DLG2: variants seen among roughly 807,000 people sequenced by gnomAD.
The protein encoded by DLG2 is disks large homolog 2.
In DLG2, 45 loss-of-function variants were observed where a neutral mutation model predicts 132.5. The ratio of observed to expected loss-of-function variants is 0.34; its 90% CI spans 0.27 to 0.44. DLG2 has a LOEUF of 0.44. Ranked by LOEUF, DLG2 falls within the 20% of genes least tolerant of loss-of-function variation. The pLI is 1.00. For missense variants in DLG2, 1,045 were observed against 1,196.9 expected (o/e 0.87, Z 1.87); for synonymous variants, 424 against 419.6 (o/e 1.01, Z -0.13).
intron 11 of DLG2, among the ~76,000 whole-genome samples, chr11:84,024,967 A>T (rs1467065249): frequency 6.6e-6 from 1 of 152,152 alleles, no homozygotes; most frequent in Admixed American, 6.5e-5. Context: ...ATTGTTCCAC[A>T]TTGTGTTAAT....
chr11:84,134,422 C>T (rs2154220432), intron 9 of DLG2, among the ~76,000 whole-genome samples: 1 of 152,232 alleles, frequency 6.6e-6, no homozygotes, highest in East Asian at 1.9e-4. Flanking sequence ...TAGGTATCTA[C>T]TGGAACTCAG....
intron 4 of DLG2, among the ~76,000 whole-genome samples, chr11:85,186,745 C>T (rs1021372996): frequency 1.3e-5 from 2 of 152,124 alleles, no homozygotes; most frequent in South Asian, 2.1e-4. Flanking sequence ...AAATCCATAG[C>T]GGTGTATCAT....
At chr11:83,639,794 A>AG (rs1016073311) in intron 18 of DLG2, among the ~76,000 whole-genome samples, 1 of 151,986 alleles carries the variant, frequency 6.6e-6, no homozygotes, top group African/African-American at 2.4e-5. Flanking sequence ...AAAATTAAAA[A>AG]AAAAAAGGAA....
At chr11:84,285,649 C>G (rs985569306) in intron 7 of DLG2, among the ~76,000 whole-genome samples, 1 of 152,144 alleles carries the variant, frequency 6.6e-6, no homozygotes, top group Non-Finnish European at 1.5e-5. Flanking sequence ...GGTCTCCAGA[C>G]ATGACCTAAT....
intron 7 of DLG2, among the ~76,000 whole-genome samples, chr11:84,373,270 C>CAAACA (rs2098715908): frequency 2.2e-5 from 1 of 45,168 alleles, no homozygotes; most frequent in African/African-American, 8.9e-5. Context: ...AAAAACAAAA[C>CAAACA]AAAAAAAAAA....
intron 7 of DLG2, among the ~76,000 whole-genome samples, chr11:84,295,313 T>G (rs2098074935): frequency 6.6e-6 from 1 of 152,152 alleles, no homozygotes; most frequent in Admixed American, 6.5e-5. Context: ...ATATGAGAAA[T>G]GCTTAATAGT....
At chr11:84,468,341 T>C (rs930845721) in intron 7 of DLG2, among the ~76,000 whole-genome samples, 12 of 151,410 alleles carry the variant, frequency 7.9e-5, no homozygotes, top group Non-Finnish European at 1.2e-4. Context: ...AGTTCTGAAT[T>C]TCCCAGAGGA....
At chr11:85,320,799 G>T (rs1278356806) in intron 3 of DLG2, among the ~76,000 whole-genome samples, 1 of 151,736 alleles carries the variant, frequency 6.6e-6, no homozygotes, top group Non-Finnish European at 1.5e-5. Context: ...TCATGCTCAA[G>T]AATCAACAAA....
intron 7 of DLG2, among the ~76,000 whole-genome samples, chr11:84,483,950 T>TA (rs1299558421): frequency 1.3e-5 from 2 of 152,214 alleles, no homozygotes; most frequent in African/African-American, 4.8e-5. Context: ...CTATTCCCTC[T>TA]ATTCTATTGG....
At chr11:84,432,556 G>A (rs2098987791) in intron 7 of DLG2, among the ~76,000 whole-genome samples, 1 of 152,124 alleles carries the variant, frequency 6.6e-6, no homozygotes, top group African/African-American at 2.4e-5. Flanking sequence ...CTAAATCCTT[G>A]CCTGAAACCT....
intron 3 of DLG2, among the ~76,000 whole-genome samples, chr11:85,503,653 C>T (rs2093856640): frequency 6.6e-6 from 1 of 151,934 alleles, no homozygotes; most frequent in African/African-American, 2.4e-5. Context: ...AAACAAAGAC[C>T]AGGAATGGTG....
At chr11:85,455,589 C>T (rs2153048437) in intron 3 of DLG2, among the ~76,000 whole-genome samples, 1 of 152,238 alleles carries the variant, frequency 6.6e-6, no homozygotes, top group South Asian at 2.1e-4. Context: ...AGAGGGTGTA[C>T]TGGTCTCATT....
intron 3 of DLG2, among the ~76,000 whole-genome samples, chr11:85,324,396 G>A (rs2081293432): frequency 6.6e-6 from 1 of 152,026 alleles, no homozygotes. Flanking sequence ...TCTTACTACA[G>A]AGTTAGAACT....
intron 6 of DLG2, among the ~76,000 whole-genome samples, chr11:84,558,892 G>A (rs926239950): frequency 1.3e-5 from 2 of 152,044 alleles, no homozygotes; most frequent in Non-Finnish European, 1.5e-5. Flanking sequence ...AGACTTCAGG[G>A]TCTCCTCCAG....
chr11:84,797,083 G>A (rs1284360814), intron 6 of DLG2, among the ~76,000 whole-genome samples: 1 of 152,048 alleles, frequency 6.6e-6, no homozygotes, highest in Non-Finnish European at 1.5e-5. Flanking sequence ...CTGACCTCAG[G>A]TGATCCGCCT....
chr11:84,855,946 C>T (rs961566410), intron 6 of DLG2, among the ~76,000 whole-genome samples: 1 of 151,984 alleles, frequency 6.6e-6, no homozygotes, highest in Non-Finnish European at 1.5e-5. Context: ...GGCTAGCGAT[C>T]ATCTATCAGG....
intron 6 of DLG2, among the ~76,000 whole-genome samples, chr11:84,677,932 T>C (rs953660779): frequency 3.9e-5 from 6 of 151,938 alleles, no homozygotes; most frequent in African/African-American, 1.2e-4. Flanking sequence ...CATGAGTAAA[T>C]TGCATATAGA....
At chr11:84,921,445 A>C (rs998599233) in intron 6 of DLG2, among the ~76,000 whole-genome samples, 3 of 152,186 alleles carry the variant, frequency 2.0e-5, no homozygotes, top group African/African-American at 7.2e-5. Context: ...AGTAATCTGA[A>C]TTTAGTTAAG....
At chr11:84,909,641 G>A (rs1382265836) in intron 6 of DLG2, among the ~76,000 whole-genome samples, 1 of 152,142 alleles carries the variant, frequency 6.6e-6, no homozygotes, top group Non-Finnish European at 1.5e-5. Context: ...CATTTTGATA[G>A]GTGGCCTCTT....
Sources: gnomAD v4.1 joint callset for allele counts (sites outside exome capture counted in the v4.1 genomes callset) on GRCh38, gnomAD v4.1.1 for gene constraint, MANE v1.5 for transcripts, NCBI Gene and HGNC (gene_info 2026-07-23, HGNC 2026-07-21) for gene names.